Variants in TANK observed in about 807,000 individuals in gnomAD.
TANK encodes the protein TRAF family member-associated NF-kappa-B activator.
TANK carries 15 observed loss-of-function variants against 43.6 expected under a neutral mutation model. The observed-to-expected ratio is 0.34, with a 90% CI of 0.23 to 0.53. TANK has a LOEUF of 0.53. TANK is among the 20% of genes least tolerant of loss of function. The probability of loss-of-function intolerance (pLI) is 0.94; values close to 1 mark genes in which losing one functional copy is unlikely to be tolerated. For synonymous variants in TANK, 162 were observed against 178.2 expected (o/e 0.91, Z 0.73); for missense variants, 417 against 498.6 (o/e 0.84, Z 1.56).
At chr2:161,232,133 A>G (rs1467222465) in intron 7 of TANK, among the ~76,000 whole-genome samples, 1 of 152,190 alleles carries the variant, frequency 6.6e-6, no homozygotes, top group African/African-American at 2.4e-5. Flanking sequence ...TAGTCTCTGC[A>G]TGTGTATGAT....
intron 1 of TANK, among the ~76,000 whole-genome samples, chr2:161,150,736 G>A (rs1039826592): frequency 3.3e-5 from 5 of 151,482 alleles, no homozygotes; most frequent in South Asian, 2.1e-4. Flanking sequence ...ACAGGCACAC[G>A]CATACCACCA....
At chr2:161,227,167 T>C (rs946050014) in intron 6 of TANK, 4 of 152,270 alleles carry the variant, frequency 2.6e-5, no homozygotes, top group Non-Finnish European at 5.9e-5. Flanking sequence ...TTTAAATTTT[T>C]TTAATAGATA....
chr2:161,215,417 A>T (rs1687074820), intron 4 of TANK, among the ~76,000 whole-genome samples: 1 of 152,126 alleles, frequency 6.6e-6, no homozygotes. Flanking sequence ...TCATACTTTA[A>T]ATCGTGATGC....
intron 2 of TANK, among the ~76,000 whole-genome samples, chr2:161,183,300 G>T (rs572928375): frequency 1.2e-3 from 181 of 152,240 alleles, no homozygotes; most frequent in Non-Finnish European, 4.6e-4. Flanking sequence ...AGGAAAGAGC[G>T]CACAGTATGA....
At chr2:161,184,410 A>T (rs1417955378) in intron 2 of TANK, among the ~76,000 whole-genome samples, 1 of 152,160 alleles carries the variant, frequency 6.6e-6, no homozygotes, top group Admixed American at 6.5e-5. Flanking sequence ...GTTGCACTTT[A>T]TGCACTTTAA....
chr2:161,217,647 CTG>C (rs1469275907), intron 4 of TANK, among the ~76,000 whole-genome samples: 2 of 143,778 alleles, frequency 1.4e-5, no homozygotes, highest in African/African-American at 5.2e-5. Context: ...AAGTTTGTAA[CTG>C]TTATTTGCAG....
At chr2:161,201,661 T>G (rs1686418840) in intron 2 of TANK, among the ~76,000 whole-genome samples, 1 of 152,230 alleles carries the variant, frequency 6.6e-6, no homozygotes, top group Non-Finnish European at 1.5e-5. Flanking sequence ...ACTTGTTTGC[T>G]GATTCTTCAG....
At chr2:161,166,746 G>A (rs996920118) in intron 1 of TANK, among the ~76,000 whole-genome samples, 11 of 151,840 alleles carry the variant, frequency 7.2e-5, no homozygotes, top group South Asian at 2.1e-4. Context: ...TGATTGCACC[G>A]CCACACTTGC....
chr2:161,231,577 A>C, intron 7 of TANK, 26 bp downstream of exon 7: 2 of 1,589,946 alleles, frequency 1.3e-6, no homozygotes, highest in Non-Finnish European at 1.7e-6. Context: ...TAACAAATAT[A>C]TTATTATGTG....
chr2:161,145,896 G>A (rs942017143), intron 1 of TANK, among the ~76,000 whole-genome samples: 1 of 150,544 alleles, frequency 6.6e-6, no homozygotes, highest in African/African-American at 2.5e-5. Flanking sequence ...AAGTTCTCCT[G>A]GATAATATCC....
At chr2:161,166,023 G>C (rs1181657664) in intron 1 of TANK, among the ~76,000 whole-genome samples, 1 of 152,212 alleles carries the variant, frequency 6.6e-6, no homozygotes, top group African/African-American at 2.4e-5. Context: ...GAGACTCATG[G>C]GTGTGGTCTT....
intron 1 of TANK, chr2:161,140,083 C>T (rs891074327): frequency 7.3e-6 from 2 of 273,444 alleles, no homozygotes; most frequent in Non-Finnish European, 1.1e-5. Flanking sequence ...TTTTCTAGAA[C>T]ATATCACTGA....
At chr2:161,149,054 G>A (rs1683999000) in intron 1 of TANK, among the ~76,000 whole-genome samples, 7 of 152,066 alleles carry the variant, frequency 4.6e-5, no homozygotes, top group Admixed American at 4.6e-4. Context: ...AATAGCAATT[G>A]CATTGAATCT....
intron 1 of TANK, chr2:161,161,447 A>G: frequency 6.5e-7 from 1 of 1,550,104 alleles, no homozygotes; most frequent in Non-Finnish European, 8.7e-7. Flanking sequence ...TCTGTTAAAA[A>G]TTATTGTGTC....
upstream of TANK, chr2:161,160,181 C>T: frequency 2.6e-6 from 1 of 379,092 alleles, no homozygotes; most frequent in Non-Finnish European, 4.6e-6. Context: ...CACAAGTGAC[C>T]TTTACACTTG....
intron 7 of TANK, chr2:161,232,782 T>A (rs1016870248): frequency 6.4e-7 from 1 of 1,550,592 alleles, no homozygotes; most frequent in African/African-American, 1.4e-5. Flanking sequence ...TACATTTGCT[T>A]TCTATACTAC....
At chr2:161,195,267 A>G (rs1166204110) in intron 2 of TANK, among the ~76,000 whole-genome samples, 2 of 152,228 alleles carry the variant, frequency 1.3e-5, no homozygotes, top group African/African-American at 2.4e-5. Flanking sequence ...TTCCTGCTTC[A>G]TGGAATGGTG....
rs190606061 is a variant in TANK, at chr2:161,189,969, A to G, written c.99+10208A>G. Among the ~76,000 whole-genome samples, 4 of 152,330 alleles carry G rather than the reference A, an allele frequency of 2.6e-5. No individual in the cohort carries two copies. The East Asian group carries it at 7.7e-4, about 29-fold the overall frequency. ...ACACTGAAAACAGGCAACTAAGGAA[A>G]AAATAGTTAAGTTGGACTTCGTCAA... On this transcript the variant is annotated intron_variant, in intron 2 of 7. Coordinates refer to ENST00000392749, the MANE Select transcript of TANK (RefSeq NM_001199135.3).
intron 7 of TANK, among the ~76,000 whole-genome samples, chr2:161,234,153 A>G (rs1207130289): frequency 6.6e-6 from 1 of 152,186 alleles, no homozygotes; most frequent in Non-Finnish European, 1.5e-5. Context: ...AACTGTTCAT[A>G]AGAAGACAGT....
Sources: gnomAD v4.1 joint callset for allele counts (sites outside exome capture counted in the v4.1 genomes callset) on GRCh38, gnomAD v4.1.1 for gene constraint, MANE v1.5 for transcripts, NCBI Gene and HGNC (gene_info 2026-07-23, HGNC 2026-07-21) for gene names.